Variants in SDK1 observed in about 807,000 individuals in gnomAD.
The protein encoded by SDK1 is sidekick cell adhesion molecule 1.
SDK1 carries 157 observed loss-of-function variants against 245.5 expected under a neutral mutation model. The observed-to-expected ratio is 0.64, with a 90% CI of 0.56 to 0.73. The LOEUF is 0.73. SDK1 is among the 30% of genes least tolerant of loss of function. SDK1 has a pLI of 0.00. For synonymous variants in SDK1, 1,647 were observed against 1,278.5 expected, an observed-to-expected ratio of 1.29 and a Z score of -6.15; for missense variants, 3,583 against 3,002.3, an observed-to-expected ratio of 1.19 and a Z score of -4.52.
intron 1 of SDK1, among the ~76,000 whole-genome samples, chr7:3,328,627 A>G (rs539742595): frequency 2.6e-5 from 4 of 151,988 alleles, no homozygotes; most frequent in African/African-American, 9.6e-5. Flanking sequence ...TTTTTTGTGT[A>G]TTTTTTTCAT....
At chr7:3,676,527 C>G (rs752863304) in intron 4 of SDK1, among the ~76,000 whole-genome samples, 40 of 151,864 alleles carry the variant, frequency 2.6e-4, no homozygotes, top group East Asian at 3.9e-4. Context: ...GGGTTTCACC[C>G]TGTTAGCCGG....
In SDK1 at chr7:3,568,700, T is replaced by C. The variant is rs547391268; in HGVS notation, c.299-50380T>C. Among the ~76,000 whole-genome samples, 253 of 152,298 alleles carry C rather than the reference T, an allele frequency of 1.7e-3. 1 individual carries two copies. The highest frequency in any genetic ancestry group is 6.0e-3 in the African/African-American group (248 of 41,564). On this transcript the variant is annotated intron_variant, in intron 1 of 44. Coordinates refer to ENST00000404826, the MANE Select transcript of SDK1 (RefSeq NM_152744.4). ...CCATTATAATTTATGACTCTTTCTG[T>C]GGTGACAGATAGATGTGGCCTTTGG...
At chr7:3,880,090 C>A (rs1781170486) in intron 5 of SDK1, among the ~76,000 whole-genome samples, 1 of 152,152 alleles carries the variant, frequency 6.6e-6, no homozygotes, top group African/African-American at 2.4e-5. Flanking sequence ...GGTCAATCAT[C>A]TCTGTGCCCT....
chr7:3,639,080 C>A lies in SDK1; in HGVS notation c.535C>A (p.Leu179Met). 7 of 1,601,650 alleles carry A rather than the reference C, an allele frequency of 4.4e-6. No individual in the cohort carries two copies. Among genetic ancestry groups the A allele is most frequent in the East Asian group, 2.2e-5 (1 of 44,672 alleles). Reference sequence around the variant, plus strand: ...GGTGCGAAACAGAATGGGAGCACTCCTGCAAAGAAAATCAGAAGTTCAAGT... The same window carrying A: ...GGTGCGAAACAGAATGGGAGCACTCATGCAAAGAAAATCAGAAGTTCAAGT... ...CVVRNRMGAL[L>M]QRKSEVQVAY... The change falls in exon 3 of 45, where the codon CTG (leucine) becomes ATG (methionine). Residue 179 changes from leucine (L) to methionine (M), a missense_variant. Physicochemically the swap from Leu to Met is conservative, Grantham distance 15. Transcript: ENST00000404826.
In SDK1 at chr7:3,798,672, G is replaced by A. The variant is rs189297399; in HGVS notation, c.714-22778G>A. On this transcript the variant is annotated intron_variant, in intron 4 of 44. Transcript: ENST00000404826. The stretch of plus-strand genomic sequence containing the variant: ...ACTGGCAGCGACAGGGTGGTCACTC[G>A]GCTAAGGCGGTGTCAGCCAGTATTG... Among the ~76,000 whole-genome samples, 186 of 152,210 alleles carry A rather than the reference G, an allele frequency of 1.2e-3. 2 individuals are homozygous for A. Among genetic ancestry groups the A allele is most frequent in the South Asian group, 7.7e-3 (37 of 4,814 alleles).
intron 1 of SDK1, among the ~76,000 whole-genome samples, chr7:3,302,628 C>A (rs948312409): frequency 6.6e-6 from 1 of 151,750 alleles, no homozygotes. Flanking sequence ...TCCCCGCCCC[C>A]GACAAAACCC....
chr7:4,147,603 T>C (rs1206323905), intron 29 of SDK1, among the ~76,000 whole-genome samples: 1 of 152,104 alleles, frequency 6.6e-6, no homozygotes, highest in Non-Finnish European at 1.5e-5. Flanking sequence ...ATCCCCTCTG[T>C]GACCATTACC....
chr7:4,125,380 ATGGG>A (rs1189869767), intron 25 of SDK1, among the ~76,000 whole-genome samples: 2 of 145,386 alleles, frequency 1.4e-5, no homozygotes, highest in East Asian at 4.4e-4. Flanking sequence ...TGGATGGGTG[ATGGG>A]TGGGTGGATG....
At chr7:3,975,689 T>G (rs1782868247) in intron 13 of SDK1, among the ~76,000 whole-genome samples, 2 of 152,266 alleles carry the variant, frequency 1.3e-5, no homozygotes, top group African/African-American at 4.8e-5. Flanking sequence ...TCACGATGTG[T>G]AGCAGTCAGT....
intron 1 of SDK1, among the ~76,000 whole-genome samples, chr7:3,579,182 C>G (rs1418122704): frequency 1.3e-5 from 2 of 151,948 alleles, no homozygotes; most frequent in African/African-American, 2.4e-5. Flanking sequence ...CCAAGTCATT[C>G]TATAAGGCAG....
intron 4 of SDK1, among the ~76,000 whole-genome samples, chr7:3,803,123 T>A (rs1329027877): frequency 3.9e-5 from 6 of 152,170 alleles, no homozygotes; most frequent in Admixed American, 3.9e-4. Flanking sequence ...GCATTACTGT[T>A]TTTTTACATT....
At chr7:3,897,859 TTCTTA>T (rs1781655106) in intron 5 of SDK1, among the ~76,000 whole-genome samples, 1 of 152,104 alleles carries the variant, frequency 6.6e-6, no homozygotes, top group African/African-American at 2.4e-5. Context: ...CTTTTTTCTT[TTCTTA>T]AATTTCCCTT....
chr7:4,084,797 C>T lies in SDK1; in HGVS notation c.3324+5213C>T, dbSNP rs574133401. On this transcript the variant is annotated intron_variant, in intron 22 of 44. Coordinates refer to ENST00000404826, the MANE Select transcript of SDK1 (RefSeq NM_152744.4). Reference sequence around the variant, plus strand: ...TATTTATTTATTTGAGATGGAGTTTCGCTCTTGTCACCCAGGCTGGAGTGC... The same window carrying T: ...TATTTATTTATTTGAGATGGAGTTTTGCTCTTGTCACCCAGGCTGGAGTGC... 1.5e-4 allele frequency among the ~76,000 whole-genome samples: 22 copies of T among 151,600 alleles called. No homozygotes were observed. In the South Asian group the frequency reaches 3.6e-3, roughly 24 times the overall value.
At chr7:4,190,213 G>A (rs1190057469) in intron 35 of SDK1, among the ~76,000 whole-genome samples, 1 of 152,168 alleles carries the variant, frequency 6.6e-6, no homozygotes, top group African/African-American at 2.4e-5. Flanking sequence ...GGGCTCCCTG[G>A]GTAATTATTA....
chr7:3,319,479 C>T (rs1192640805), intron 1 of SDK1, among the ~76,000 whole-genome samples: 1 of 152,322 alleles, frequency 6.6e-6, no homozygotes, highest in East Asian at 1.9e-4. Flanking sequence ...ACCAAGCTGG[C>T]TTACCTTTTA....
chr7:3,579,990 C>A lies in SDK1; in HGVS notation c.299-39090C>A, dbSNP rs75764900. ...TATGAAAATCATTAGCATTCCTATACACCAACAACATCCAAGCTGAGAGCC... is the reference window on the plus strand; with the variant it reads ...TATGAAAATCATTAGCATTCCTATAAACCAACAACATCCAAGCTGAGAGCC... On this transcript the variant is annotated intron_variant, in intron 1 of 44. Coordinates refer to ENST00000404826, the MANE Select transcript of SDK1 (RefSeq NM_152744.4). Among the ~76,000 whole-genome samples, 956 of 152,240 alleles carry A rather than the reference C, an allele frequency of 6.3e-3. 11 individuals carry two copies. Among genetic ancestry groups the A allele is most frequent in the African/African-American group, 0.022 (897 of 41,536 alleles).
At chr7:3,754,543 G>A (rs1025254035) in intron 4 of SDK1, among the ~76,000 whole-genome samples, 1 of 152,124 alleles carries the variant, frequency 6.6e-6, no homozygotes, top group African/African-American at 2.4e-5. Flanking sequence ...TCCAAAAGTT[G>A]ATTCTCCTTT....
intron 1 of SDK1, among the ~76,000 whole-genome samples, chr7:3,559,874 C>G (rs1779695811): frequency 6.6e-6 from 1 of 151,952 alleles, no homozygotes; most frequent in African/African-American, 2.4e-5. Context: ...TTCACTGTAT[C>G]CCTTGCTCCT....
intron 4 of SDK1, among the ~76,000 whole-genome samples, chr7:3,678,593 G>A (rs1405504916): frequency 3.3e-5 from 5 of 152,148 alleles, no homozygotes; most frequent in African/African-American, 4.8e-5. Context: ...TCATAAAGTC[G>A]GAAAGTAGAA....
Sources: gnomAD v4.1 joint callset for allele counts (sites outside exome capture counted in the v4.1 genomes callset) on GRCh38, gnomAD v4.1.1 for gene constraint, MANE v1.5 for transcripts, NCBI Gene and HGNC (gene_info 2026-07-23, HGNC 2026-07-21) for gene names.